The following PRKG1 variants were observed in gnomAD, a reference collection of about 807,000 sequenced individuals.
PRKG1 encodes the protein cGMP-dependent protein kinase 1.
PRKG1 carries 35 observed loss-of-function variants against 88.1 expected under a neutral mutation model. That is an observed-to-expected ratio of 0.40 (90% CI 0.30 to 0.53). The LOEUF is 0.53. PRKG1 is among the 20% of genes least tolerant of loss of function. The pLI is 0.59. For synonymous variants in PRKG1, 303 were observed against 292.5 expected (o/e 1.04, Z -0.37); for missense variants, 540 against 839.8 (o/e 0.64, Z 4.41).
intron 11 of PRKG1, among the ~76,000 whole-genome samples, chr10:52,272,176 C>A (rs1196927870): frequency 6.6e-6 from 1 of 151,956 alleles, no homozygotes; most frequent in African/African-American, 2.4e-5. Context: ...TATGATTAAT[C>A]CATTTCAAGG....
chr10:52,210,789 C>G (rs1014758500), intron 9 of PRKG1, among the ~76,000 whole-genome samples: 11 of 152,186 alleles, frequency 7.2e-5, no homozygotes, highest in African/African-American at 1.4e-4. Context: ...CAAGTACCTT[C>G]TGAGTTAGCC....
At chr10:51,951,779 G>A (rs911339933) in intron 5 of PRKG1, among the ~76,000 whole-genome samples, 7 of 152,154 alleles carry the variant, frequency 4.6e-5, no homozygotes, top group Non-Finnish European at 7.3e-5. Context: ...TAGTTGGAAC[G>A]AACCTCTAAG....
At chr10:52,008,438 G>C (rs192664133) in intron 5 of PRKG1, among the ~76,000 whole-genome samples, 3 of 151,920 alleles carry the variant, frequency 2.0e-5, no homozygotes, top group East Asian at 3.9e-4. Flanking sequence ...ATGGCAAAGG[G>C]GACATTACCA....
chr10:51,968,841 A>G (rs923291874), intron 5 of PRKG1, among the ~76,000 whole-genome samples: 8 of 151,520 alleles, frequency 5.3e-5, no homozygotes, highest in Non-Finnish European at 8.8e-5. Flanking sequence ...AAAAAAAGAA[A>G]AAAGAAAAAA....
chr10:51,968,316 GT>G (rs1843621810), intron 5 of PRKG1, among the ~76,000 whole-genome samples: 2 of 152,224 alleles, frequency 1.3e-5, no homozygotes, highest in South Asian at 4.1e-4. Flanking sequence ...CTAGGAGTGG[GT>G]GAATGGTTGG....
At chr10:51,227,121 A>T (rs894642915) in intron 2 of PRKG1, among the ~76,000 whole-genome samples, 5 of 150,694 alleles carry the variant, frequency 3.3e-5, no homozygotes, top group Non-Finnish European at 1.5e-5. Flanking sequence ...TGTGTAATGT[A>T]CAGGAATAAT....
At chr10:51,621,728 T>A (rs1330786132) in intron 3 of PRKG1, among the ~76,000 whole-genome samples, 1 of 152,206 alleles carries the variant, frequency 6.6e-6, no homozygotes, top group African/African-American at 2.4e-5. Flanking sequence ...TATTCTCAAT[T>A]TAACCTGATG....
chr10:51,855,892 C>T (rs1840668029), intron 4 of PRKG1, among the ~76,000 whole-genome samples: 1 of 152,142 alleles, frequency 6.6e-6, no homozygotes, highest in Non-Finnish European at 1.5e-5. Flanking sequence ...CTTAAGAAAA[C>T]AAATTATTAT....
intron 2 of PRKG1, chr10:51,244,789 CACTT>C (rs1273703513): frequency 2.6e-5 from 4 of 151,366 alleles, no homozygotes; most frequent in Non-Finnish European, 4.4e-5. Flanking sequence ...GTTTTATAGT[CACTT>C]ACTGGAAAAA....
At chr10:51,021,629 A>C (rs1247267534) in intron 1 of PRKG1, among the ~76,000 whole-genome samples, 2 of 152,152 alleles carry the variant, frequency 1.3e-5, no homozygotes, top group Non-Finnish European at 2.9e-5. Flanking sequence ...CTCCTAATCT[A>C]ATTGCCTACA....
chr10:51,963,221 G>A (rs1843488399), intron 5 of PRKG1, among the ~76,000 whole-genome samples: 1 of 152,192 alleles, frequency 6.6e-6, no homozygotes, highest in East Asian at 1.9e-4. Context: ...GAAATCACTA[G>A]CTACATGGCA....
At chr10:51,458,434 T>C (rs1839652255) in intron 2 of PRKG1, among the ~76,000 whole-genome samples, 1 of 62,908 alleles carries the variant, frequency 1.6e-5, no homozygotes, top group Non-Finnish European at 3.3e-5. Context: ...TAATAACCCT[T>C]TTTTTTTTTT....
chr10:51,993,769 A>G (rs1386237454), intron 5 of PRKG1, among the ~76,000 whole-genome samples: 1 of 152,192 alleles, frequency 6.6e-6, no homozygotes, highest in Non-Finnish European at 1.5e-5. Context: ...TTTGATTTAC[A>G]TGACAATTGT....
At chr10:51,487,167 A>T (rs1840571143) in intron 3 of PRKG1, among the ~76,000 whole-genome samples, 1 of 152,200 alleles carries the variant, frequency 6.6e-6, no homozygotes, top group African/African-American at 2.4e-5. Context: ...ACATTAAAAG[A>T]AAATCTTATA....
chr10:51,806,763 AG>A (rs1452863125), intron 4 of PRKG1, among the ~76,000 whole-genome samples: 2 of 152,166 alleles, frequency 1.3e-5, no homozygotes, highest in African/African-American at 4.8e-5. Flanking sequence ...TGGACATTCA[AG>A]GCCCTCCTAT....
At chr10:52,235,033 TTTCAACC>T (rs1385027740) in intron 9 of PRKG1, among the ~76,000 whole-genome samples, 1 of 88,620 alleles carries the variant, frequency 1.1e-5, no homozygotes, top group Non-Finnish European at 2.1e-5. Flanking sequence ...AGAAAAGAAT[TTTCAACC>T]CAGAATTTCA....
chr10:51,012,509 C>T (rs1843005763), intron 1 of PRKG1, among the ~76,000 whole-genome samples: 1 of 152,174 alleles, frequency 6.6e-6, no homozygotes, highest in South Asian at 2.1e-4. Flanking sequence ...CCATTCCAAC[C>T]ACCCATGGGC....
At chr10:51,340,965 A>T (rs1275554538) in intron 2 of PRKG1, among the ~76,000 whole-genome samples, 1 of 152,190 alleles carries the variant, frequency 6.6e-6, no homozygotes, top group Non-Finnish European at 1.5e-5. Flanking sequence ...ATAGAAAAAA[A>T]TCCTCCTCAG....
intron 4 of PRKG1, among the ~76,000 whole-genome samples, chr10:51,854,941 G>T (rs1238292313): frequency 1.3e-5 from 2 of 152,114 alleles, no homozygotes; most frequent in African/African-American, 4.8e-5. Context: ...TGAGAGAACT[G>T]GGAAGGGTGG....
Sources: allele counts gnomAD v4.1 joint callset (sites outside exome capture counted in the v4.1 genomes callset), GRCh38; gene constraint gnomAD v4.1.1; transcripts MANE v1.5; gene names NCBI Gene and HGNC (gene_info 2026-07-23, HGNC 2026-07-21).